GPHN: variants seen among roughly 807,000 people sequenced by gnomAD.
GPHN encodes gephyrin.
A neutral mutation model predicts 95.5 loss-of-function variants in GPHN; 17 were observed. The observed-to-expected ratio is 0.18, with a 90% CI of 0.12 to 0.27. GPHN has a LOEUF of 0.27. Ranked by LOEUF, GPHN falls within the 10% of genes least tolerant of loss-of-function variation. The pLI is 1.00. For missense variants in GPHN, 660 were observed against 978.1 expected, an observed-to-expected ratio of 0.67 and a Z score of 4.34; for synonymous variants, 320 against 322.5, an observed-to-expected ratio of 0.99 and a Z score of 0.08.
At chr14:67,620,024 A>G in the GPHN span, 10,234 of 1,611,998 alleles carry the variant, frequency 6.3e-3, 58 homozygotes, top group Non-Finnish European at 7.9e-3. Flanking sequence ...ACGCGAGTGC[A>G]TTCCATCCTG....
At chr14:66,590,768 A>G (rs1007670782) in intron 1 of GPHN, among the ~76,000 whole-genome samples, 1 of 152,226 alleles carries the variant, frequency 6.6e-6, no homozygotes, top group African/African-American at 2.4e-5. Context: ...TGTTCCAAAC[A>G]AGAGAAAGAG....
the GPHN span, among the ~76,000 whole-genome samples, chr14:67,321,908 G>A: frequency 5.3e-5 from 8 of 151,988 alleles, no homozygotes; most frequent in African/African-American, 9.7e-5. Flanking sequence ...TTCTGATTCC[G>A]ATATGAGAAA....
chr14:66,802,416 T>A (rs1354895395), intron 3 of GPHN, among the ~76,000 whole-genome samples: 1 of 152,126 alleles, frequency 6.6e-6, no homozygotes, highest in African/African-American at 2.4e-5. Flanking sequence ...AAGAGGCAGT[T>A]CCTGGAAATC....
At chr14:67,341,032 A>C in the GPHN span, among the ~76,000 whole-genome samples, 1 of 150,626 alleles carries the variant, frequency 6.6e-6, no homozygotes, top group African/African-American at 2.4e-5. Context: ...TACAACCTCC[A>C]CCTCCCAGCC....
chr14:66,783,195 G>C (rs2059665559), intron 3 of GPHN, among the ~76,000 whole-genome samples: 1 of 152,140 alleles, frequency 6.6e-6, no homozygotes, highest in Admixed American at 6.5e-5. Context: ...AGTTTCAGTT[G>C]AGTCAAGCAG....
At chr14:66,845,229 A>G (rs1216692769) in intron 4 of GPHN, among the ~76,000 whole-genome samples, 1 of 152,188 alleles carries the variant, frequency 6.6e-6, no homozygotes, top group African/African-American at 2.4e-5. Flanking sequence ...ATAACTAGAA[A>G]TGGATTCAAT....
chr14:67,691,994 CT>C, the GPHN span: 1 of 155,774 alleles, frequency 6.4e-6, no homozygotes, highest in Non-Finnish European at 1.4e-5. Context: ...TGGTAAACTT[CT>C]TTGTCATGTC....
chr14:67,177,484 T>G (rs2083060012), intron 21 of GPHN, among the ~76,000 whole-genome samples: 1 of 152,108 alleles, frequency 6.6e-6, no homozygotes, highest in South Asian at 2.1e-4. Context: ...TGCTGAGGAG[T>G]GTTTTACTTC....
At chr14:66,656,422 A>G (rs867818241) in intron 1 of GPHN, among the ~76,000 whole-genome samples, 1 of 152,090 alleles carries the variant, frequency 6.6e-6, no homozygotes, top group Non-Finnish European at 1.5e-5. Flanking sequence ...TTTGATTCCT[A>G]CAGAGTCGGT....
At chr14:66,889,687 GTATAAC>G (rs1364727259) in intron 5 of GPHN, among the ~76,000 whole-genome samples, 5 of 151,832 alleles carry the variant, frequency 3.3e-5, no homozygotes, top group South Asian at 2.1e-4. Flanking sequence ...GCAGTCTCAT[GTATAAC>G]TATAAGTTAA....
chr14:67,614,640 T>C, the GPHN span, among the ~76,000 whole-genome samples: 1 of 152,050 alleles, frequency 6.6e-6, no homozygotes, highest in African/African-American at 2.4e-5. Flanking sequence ...CACGCACCTG[T>C]AGTTCCAGCT....
At chr14:67,472,426 A>T in the GPHN span, 1 of 152,326 alleles carries the variant, frequency 6.6e-6, no homozygotes, top group Admixed American at 6.5e-5. Flanking sequence ...CCCACTGTGG[A>T]TCCACAGGGC....
the GPHN span, chr14:67,581,837 T>C: frequency 4.0e-6 from 2 of 497,920 alleles, no homozygotes; most frequent in African/African-American, 1.9e-5. Context: ...GTAAGCTTAA[T>C]GGTATCTTCA....
the GPHN span, among the ~76,000 whole-genome samples, chr14:67,187,034 TATG>T: frequency 6.6e-6 from 1 of 151,836 alleles, no homozygotes; most frequent in African/African-American, 2.4e-5. Context: ...GAGGCAGAAA[TATG>T]ATGAGGGAGT....
intron 5 of GPHN, among the ~76,000 whole-genome samples, chr14:66,893,814 G>A (rs1331343709): frequency 1.3e-5 from 2 of 152,076 alleles, no homozygotes; most frequent in African/African-American, 2.4e-5. Context: ...AAGGGATGTG[G>A]AGGACCTCTT....
At chr14:67,237,058 C>G in the GPHN span, among the ~76,000 whole-genome samples, 1 of 151,918 alleles carries the variant, frequency 6.6e-6, no homozygotes, top group Non-Finnish European at 1.5e-5. Flanking sequence ...CCACTGTACT[C>G]CAGCCTGGGT....
intron 5 of GPHN, among the ~76,000 whole-genome samples, chr14:66,891,094 TA>T (rs1351518877): frequency 1.3e-5 from 2 of 151,644 alleles, no homozygotes; most frequent in African/African-American, 4.8e-5. Context: ...ACTTAGGCAA[TA>T]AACAGAAATG....
chr14:66,720,372 G>A (rs1325912662), intron 2 of GPHN, among the ~76,000 whole-genome samples: 2 of 152,258 alleles, frequency 1.3e-5, no homozygotes, highest in African/African-American at 2.4e-5. Flanking sequence ...TGGCCAACAC[G>A]GCGAAACCCC....
At chr14:67,270,660 G>T in the GPHN span, 6 of 150,420 alleles carry the variant, frequency 4.0e-5, no homozygotes, top group African/African-American at 1.2e-4. Context: ...CTTTTATGAT[G>T]TATATAGACT....
Sources: allele counts gnomAD v4.1 joint callset (sites outside exome capture counted in the v4.1 genomes callset), GRCh38; gene constraint gnomAD v4.1.1; transcripts MANE v1.5; gene names NCBI Gene and HGNC (gene_info 2026-07-23, HGNC 2026-07-21).